Variants in HIBCH observed in about 807,000 individuals in gnomAD.
The protein encoded by HIBCH is 3-hydroxyisobutyryl-CoA hydrolase, mitochondrial.
In HIBCH, 50 loss-of-function variants were observed where a neutral mutation model predicts 58.2. The observed-to-expected ratio is 0.86, with a 90% confidence interval of 0.68 to 1.09. The LOEUF is 1.09. Among genes scored for constraint, HIBCH ranks in the 50% least tolerant of loss-of-function variants. The probability of loss-of-function intolerance (pLI) is 0.00; values close to 1 mark genes in which losing one functional copy is unlikely to be tolerated. For synonymous variants in HIBCH, 151 were observed against 146.9 expected (o/e 1.03, Z -0.20); for missense variants, 450 against 449.7 (o/e 1.00, Z -0.01).
chr2:190,205,115 C>T lies in HIBCH; in HGVS notation c.*2G>A. The T allele has an allele frequency of 1.3e-6, 2 of 1,543,544 alleles. No individual in the cohort carries two copies. Among genetic ancestry groups the T allele is most frequent in the Non-Finnish European group, 1.8e-6 (2 of 1,118,038 alleles). On this transcript the variant is annotated 3_prime_UTR_variant, in exon 14 of 14. Coordinates refer to ENST00000359678, the MANE Select transcript of HIBCH (RefSeq NM_014362.4). ...CAAAATATACCTTAAAAGCCTGTCACCTCAAAATTTCAAATCACTGCTTCC... is the reference window on the plus strand; with the variant it reads ...CAAAATATACCTTAAAAGCCTGTCATCTCAAAATTTCAAATCACTGCTTCC...
At chr2:190,310,357 T>C (rs1386604917) in intron 2 of HIBCH, among the ~76,000 whole-genome samples, 1 of 152,252 alleles carries the variant, frequency 6.6e-6, no homozygotes. Flanking sequence ...CCCTTTCATA[T>C]ATACATATGT....
intron 1 of HIBCH, among the ~76,000 whole-genome samples, chr2:190,318,178 AC>A (rs1301690201): frequency 6.6e-6 from 1 of 151,832 alleles, no homozygotes; most frequent in African/African-American, 2.4e-5. Flanking sequence ...GAGGGTTGTG[AC>A]CAGCATTAGA....
At chr2:190,305,318 T>C (rs1048850816) in intron 2 of HIBCH, among the ~76,000 whole-genome samples, 2 of 152,106 alleles carry the variant, frequency 1.3e-5, no homozygotes, top group South Asian at 2.1e-4. Context: ...TTCTGAAGGC[T>C]GCAAGTCTAA....
rs1690546946 is a variant in HIBCH, at chr2:190,212,958, T to C, written c.1009A>G (p.Met337Val). 6.2e-7 allele frequency: 1 copy of C among 1,610,230 alleles called. No homozygotes were observed. The highest frequency in any genetic ancestry group is 8.5e-7 in the Non-Finnish European group (1 of 1,177,952). Residue 337 changes from methionine (M) to valine (V), a missense_variant and splice_region_variant, in exon 12 of 14, where the codon ATG (methionine) becomes GTG (valine). Physicochemically the swap from Met to Val is conservative, Grantham distance 21. Coordinates refer to ENST00000359678, the MANE Select transcript of HIBCH (RefSeq NM_014362.4). The part of the protein sequence containing the change: ...TMEYRLSQAC[M>V]RGHDFHEGVR... ...ACATTTTTTTTTTAAATTCTTACCA[T>C]ACAAGCTTGACTTAGCCGATACTCC...
Position 190,261,240 on chromosome 2 carries a change from GA to G in HIBCH, c.439-7del. ...TGGACTGAGAGACCAACTCCCTAGA[GA>G]AAAAAGGCAAAAAAAGAGGCGGGGG... is the stretch of plus-strand genomic sequence containing the variant. On this transcript the variant is annotated splice_region_variant and splice_polypyrimidine_tract_variant and intron_variant, in intron 6 of 13. Transcript: ENST00000359678. 1.9e-6 allele frequency: 3 copies of G among 1,549,540 alleles called. No individual in the cohort carries two copies. Among genetic ancestry groups the G allele is most frequent in the Non-Finnish European group, 2.6e-6 (3 of 1,137,538 alleles).
chr2:190,289,375 T>C (rs1360247923), intron 5 of HIBCH, among the ~76,000 whole-genome samples: 6 of 152,182 alleles, frequency 3.9e-5, no homozygotes, highest in African/African-American at 1.4e-4. Flanking sequence ...TATGTCAAAA[T>C]ACGTTAATAT....
chr2:190,202,549 A>T, downstream of HIBCH: 1 of 167,174 alleles, frequency 6.0e-6, no homozygotes. Flanking sequence ...CACTGATAGG[A>T]TATTAGCCTT....
intron 1 of HIBCH, among the ~76,000 whole-genome samples, chr2:190,312,884 A>C (rs899637269): frequency 3.9e-5 from 6 of 152,306 alleles, no homozygotes; most frequent in African/African-American, 1.2e-4. Flanking sequence ...GGATCACCTG[A>C]GGTCAGGAGT....
chr2:190,216,482 T>G lies in HIBCH; in HGVS notation c.892-3407A>C, dbSNP rs956973187. Among the ~76,000 whole-genome samples the G allele has an allele frequency of 1.3e-5, 2 of 151,960 alleles. No homozygotes were observed. The highest frequency in any genetic ancestry group is 4.8e-5 in the African/African-American group (2 of 41,368). ...GGGCTATATAAGTTAGATCAGAGGG[T>G]TGTAAACTCAAATGACTACAGGGCC... On this transcript the variant is annotated intron_variant, in intron 11 of 13. Coordinates refer to ENST00000359678, the MANE Select transcript of HIBCH (RefSeq NM_014362.4). This position sits in a 1 kb window ranked among gnomAD's most constrained non-coding sequence, Gnocchi z 4.2.
chr2:190,252,899 G>T (rs910961527), intron 7 of HIBCH, among the ~76,000 whole-genome samples: 34 of 152,060 alleles, frequency 2.2e-4, no homozygotes, highest in African/African-American at 7.7e-4. Context: ...ACTGAAAATA[G>T]CATATAAGGC....
At chr2:190,213,200 G>A in intron 11 of HIBCH, 125 bp from the exon 12 acceptor site, 1 of 802,524 alleles carries the variant, frequency 1.2e-6, no homozygotes, top group South Asian at 1.6e-5. Flanking sequence ...TTATACCCTA[G>A]CTTAATCCTG....
At chr2:190,299,604 T>A (rs1362480621) in intron 2 of HIBCH, among the ~76,000 whole-genome samples, 1 of 152,202 alleles carries the variant, frequency 6.6e-6, no homozygotes, top group African/African-American at 2.4e-5. Context: ...CTGACACTTT[T>A]TTTTCACAGA....
chr2:190,316,195 A>AG (rs949397065), intron 1 of HIBCH, among the ~76,000 whole-genome samples: 5 of 151,984 alleles, frequency 3.3e-5, no homozygotes, highest in African/African-American at 1.2e-4. Context: ...CCCAGGCTGG[A>AG]GTGCAGTGGT....
rs1201264199 is a variant in HIBCH at position 190,281,693 on chromosome 2, C to G, written c.438+5893G>C. Among the ~76,000 whole-genome samples, 1 of 152,184 alleles carries G rather than the reference C, an allele frequency of 6.6e-6. No homozygotes were observed. Among genetic ancestry groups the G allele is most frequent in the African/African-American group, 2.4e-5 (1 of 41,442 alleles). Reference sequence around the variant, plus strand: ...AGAGTTTTCCAAATCTTTCTGCTTTCTTTCCCTTTTGATTATAAATTTCAT... The same window carrying G: ...AGAGTTTTCCAAATCTTTCTGCTTTGTTTCCCTTTTGATTATAAATTTCAT... On this transcript the variant is annotated intron_variant, in intron 6 of 13. Coordinates refer to ENST00000359678, the MANE Select transcript of HIBCH (RefSeq NM_014362.4). The surrounding 1 kb of genome is among the most constrained non-coding windows in gnomAD (Gnocchi z 5.4).
chr2:190,259,668 A>G (rs1171132775), intron 7 of HIBCH, among the ~76,000 whole-genome samples: 1 of 152,146 alleles, frequency 6.6e-6, no homozygotes, highest in African/African-American at 2.4e-5. Context: ...TTGTTAGTGT[A>G]TAGAAATGCT....
At chr2:190,208,462 A>T (rs973703284) in intron 13 of HIBCH, among the ~76,000 whole-genome samples, 1 of 152,212 alleles carries the variant, frequency 6.6e-6, no homozygotes, top group African/African-American at 2.4e-5. Flanking sequence ...ATAAATTAGG[A>T]AACAGTGGCC....
chr2:190,287,199 T>C (rs1210666028), intron 6 of HIBCH, among the ~76,000 whole-genome samples: 1 of 152,092 alleles, frequency 6.6e-6, no homozygotes, highest in African/African-American at 2.4e-5. Flanking sequence ...GTAGCTGAGA[T>C]CACAGGTGTG....
At chr2:190,244,162 T>C (rs561802817) in intron 11 of HIBCH, among the ~76,000 whole-genome samples, 7 of 149,062 alleles carry the variant, frequency 4.7e-5, no homozygotes, top group South Asian at 2.1e-4. Context: ...CACACACACA[T>C]ATATATACGA....
At chr2:190,237,285 A>G (rs930659272) in intron 11 of HIBCH, among the ~76,000 whole-genome samples, 7 of 152,220 alleles carry the variant, frequency 4.6e-5, no homozygotes, top group African/African-American at 1.7e-4. Flanking sequence ...TATCTTTTCT[A>G]GAATTTCATA....
Sources: gnomAD v4.1 joint callset for allele counts (sites outside exome capture counted in the v4.1 genomes callset) on GRCh38, gnomAD v4.1.1 for gene constraint, Gnocchi (gnomAD v3.1) non-coding constraint, MANE v1.5 for transcripts, NCBI Gene and HGNC (gene_info 2026-07-23, HGNC 2026-07-21) for gene names.